WRN: variants seen among roughly 807,000 people sequenced by gnomAD.
The protein encoded by WRN is bifunctional 3'-5' exonuclease/ATP-dependent helicase WRN.
Under a neutral mutation model 180.7 loss-of-function variants are expected in WRN, and 149 were observed. The observed-to-expected ratio is 0.82, with a 90% confidence interval of 0.72 to 0.94. The LOEUF (loss-of-function observed/expected upper bound fraction) is 0.94, where lower values mean the gene tolerates loss of function less well. Among genes scored for constraint, WRN ranks in the 40% least tolerant of loss-of-function variants. The probability of loss-of-function intolerance (pLI) is 0.00; values close to 1 mark genes in which losing one functional copy is unlikely to be tolerated. For missense variants in WRN, 1,661 were observed against 1,700.1 expected, an observed-to-expected ratio of 0.98 and a Z score of 0.40; for synonymous variants, 548 against 568.9, an observed-to-expected ratio of 0.96 and a Z score of 0.52.
chr8:31,175,151 C>G lies in WRN; in HGVS notation c.*2049C>G, dbSNP rs975137224. ...AATATGTGATGTTAAGAAATCATGA[C>G]TGAGGCCGGGCGCGGTGGCTCACGC... is the stretch of plus-strand genomic sequence containing the variant. On this transcript the variant is annotated 3_prime_UTR_variant, in exon 35 of 35. Coordinates refer to ENST00000298139, the MANE Select transcript of WRN (RefSeq NM_000553.6). Among the ~76,000 whole-genome samples, 2 of 151,974 alleles carry G rather than the reference C, an allele frequency of 1.3e-5. No individual in the cohort carries two copies. The highest frequency in any genetic ancestry group is 4.8e-5 in the African/African-American group (2 of 41,380).
intron 32 of WRN, among the ~76,000 whole-genome samples, chr8:31,155,364 T>C (rs955343613): frequency 6.6e-6 from 1 of 152,198 alleles, no homozygotes; most frequent in African/African-American, 2.4e-5. Context: ...GGCTCATGCC[T>C]GTAATCCCAG....
At chr8:31,097,908 A>G (rs764495153) in intron 17 of WRN, among the ~76,000 whole-genome samples, 39 of 152,266 alleles carry the variant, frequency 2.6e-4, no homozygotes, top group Non-Finnish European at 4.7e-4. Context: ...TCAATATCAT[A>G]TGATCTTTTT....
At chr8:31,076,519 G>A (rs1312923983) in intron 8 of WRN, among the ~76,000 whole-genome samples, 1 of 151,846 alleles carries the variant, frequency 6.6e-6, no homozygotes, top group Non-Finnish European at 1.5e-5. Flanking sequence ...ATGAAACAAA[G>A]GAATAGAAAT....
chr8:31,079,784 A>T (rs1488377300), intron 8 of WRN, among the ~76,000 whole-genome samples: 1 of 152,218 alleles, frequency 6.6e-6, no homozygotes, highest in Non-Finnish European at 1.5e-5. Flanking sequence ...TCATTTTCAA[A>T]TTAGATCACA....
chr8:31,071,543 G>GC (rs1483623597), intron 7 of WRN, among the ~76,000 whole-genome samples: 12 of 152,112 alleles, frequency 7.9e-5, no homozygotes, highest in African/African-American at 2.7e-4. Context: ...GTGCAGTGAT[G>GC]CGATCTTGGC....
At chr8:31,092,229 A>G (rs1813775961) in intron 16 of WRN, among the ~76,000 whole-genome samples, 1 of 152,088 alleles carries the variant, frequency 6.6e-6, no homozygotes, top group Admixed American at 6.6e-5. Flanking sequence ...AATTATAAAA[A>G]TTTTGGTTTT....
chr8:31,120,307 A>T lies in WRN; in HGVS notation c.2513A>T (p.His838Leu). Residue 838 changes from histidine (H) to leucine (L), a missense_variant, in exon 21 of 35, where the codon CAT becomes CTT. Around this residue, in one of 3 missense-constraint regions of WRN, gnomAD observed 1,141 missense variants for 1,149.4 expected, o/e 0.99. Transcript: ENST00000298139. ...INKADIRQVI[H>L]YGAPKDMESY... ...AAAGCTGACATTCGCCAAGTCATTC[A>T]TTACGGTGCTCCTAAGGACATGGAA... 1 of 1,613,092 alleles carries T rather than the reference A, an allele frequency of 6.2e-7. No homozygotes were observed. The highest frequency in any genetic ancestry group is 1.1e-5 in the South Asian group (1 of 91,060).
In WRN at chr8:31,069,329, C is replaced by T. The variant is rs188094696; in HGVS notation, c.724+1002C>T. ...GAGTCTTTATTCTTACTTCTCCTCCCTGGAGAGCCACTTCCTATGAATGCC... is the reference window on the plus strand; with the variant it reads ...GAGTCTTTATTCTTACTTCTCCTCCTTGGAGAGCCACTTCCTATGAATGCC... On this transcript the variant is annotated intron_variant, in intron 7 of 34. Transcript: ENST00000298139. Among the ~76,000 whole-genome samples the T allele has an allele frequency of 5.3e-5, 8 of 152,288 alleles. No individual in the cohort carries two copies. The East Asian group carries it at 1.5e-3, about 29-fold the overall frequency.
chr8:31,036,631 G>A (rs756286916), intron 1 of WRN, among the ~76,000 whole-genome samples: 4 of 151,818 alleles, frequency 2.6e-5, no homozygotes, highest in Non-Finnish European at 4.4e-5. Context: ...TATACTTGTT[G>A]GTTATTTGTA....
intron 1 of WRN, among the ~76,000 whole-genome samples, chr8:31,048,345 G>A (rs1395704873): frequency 1.3e-5 from 2 of 152,120 alleles, no homozygotes; most frequent in African/African-American, 4.8e-5. Context: ...GCTTTGGCAT[G>A]CATTCTTTGG....
chr8:31,106,157 C>A (rs1801087812), intron 18 of WRN, among the ~76,000 whole-genome samples: 1 of 152,098 alleles, frequency 6.6e-6, no homozygotes, highest in South Asian at 2.1e-4. Context: ...TTTATTTAAA[C>A]AGTAAGGAAA....
In WRN at chr8:31,067,114, C is replaced by T. The variant is rs375762379; in HGVS notation, c.586C>T (p.Arg196Cys). The T allele has an allele frequency of 1.1e-5, 18 of 1,613,760 alleles. No homozygotes were observed. Among genetic ancestry groups the T allele is most frequent in the South Asian group, 3.3e-5 (3 of 91,078 alleles). ...ACAGCTCCTGAAAGACAAGTCTATCCGCTGTAGCAATTGGAGTAAATTTCC... is the reference window on the plus strand; with the variant it reads ...ACAGCTCCTGAAAGACAAGTCTATCTGCTGTAGCAATTGGAGTAAATTTCC... ...GKQLLKDKSI[R>C]CSNWSKFPLT... Residue 196 changes from arginine to cysteine, a missense_variant, in exon 6 of 35, where the codon CGC becomes TGC. By Grantham distance (180) the Arg-to-Cys change is radical. This residue lies in a region of WRN where 500 missense variants were observed against 504.1 expected (regional missense o/e 0.99). Transcript: ENST00000298139.
chr8:31,081,110 T>G lies in WRN; in HGVS notation c.1083T>G (p.Asp361Glu). ...ATTTAGCTAAACATGATGGAGAAGATGTACTTGGAAATAAAGTGGAACGAA... is the reference window on the plus strand; with the variant it reads ...ATTTAGCTAAACATGATGGAGAAGAGGTACTTGGAAATAAAGTGGAACGAA... ...LDHLAKHDGE[D>E]VLGNKVERKE... is the part of the protein sequence containing the mutation. The change falls in exon 9 of 35, where the codon GAT becomes GAG. Residue 361 changes from aspartate (D) to glutamate (E), a missense_variant. This residue lies in a region of WRN where 500 missense variants were observed against 504.1 expected (regional missense o/e 0.99). Coordinates refer to ENST00000298139, the MANE Select transcript of WRN (RefSeq NM_000553.6). The G allele has an allele frequency of 6.2e-7, 1 of 1,614,004 alleles. No individual in the cohort carries two copies. Among genetic ancestry groups the G allele is most frequent in the Non-Finnish European group, 8.5e-7 (1 of 1,179,976 alleles).
chr8:31,106,109 T>A (rs1008054969), intron 18 of WRN, among the ~76,000 whole-genome samples: 1 of 152,152 alleles, frequency 6.6e-6, no homozygotes, highest in Non-Finnish European at 1.5e-5. Context: ...AATTTTGGAA[T>A]TTTCCTCAAT....
intron 32 of WRN, among the ~76,000 whole-genome samples, chr8:31,156,643 G>A (rs1267552537): frequency 6.6e-6 from 1 of 152,176 alleles, no homozygotes; most frequent in African/African-American, 2.4e-5. Context: ...AAAATGTATT[G>A]AAAGAGAGGA....
intron 1 of WRN, among the ~76,000 whole-genome samples, chr8:31,055,035 T>G (rs1261079982): frequency 6.6e-6 from 1 of 152,240 alleles, no homozygotes; most frequent in Non-Finnish European, 1.5e-5. Context: ...TCCATGTCCC[T>G]GCAAAGTACA....
At chr8:31,117,049 G>A (rs914670842) in intron 20 of WRN, among the ~76,000 whole-genome samples, 7 of 152,286 alleles carry the variant, frequency 4.6e-5, no homozygotes, top group African/African-American at 9.6e-5. Flanking sequence ...TGAATGGGTC[G>A]GTTGGCCAGG....
intron 8 of WRN, among the ~76,000 whole-genome samples, chr8:31,080,268 G>A (rs1813248686): frequency 6.6e-6 from 1 of 152,108 alleles, no homozygotes; most frequent in Non-Finnish European, 1.5e-5. Context: ...ATACAGGCCA[G>A]CTCTTTGGAG....
chr8:31,101,999 G>A (rs1725337457), intron 18 of WRN, among the ~76,000 whole-genome samples: 1 of 151,284 alleles, frequency 6.6e-6, no homozygotes, highest in Admixed American at 6.6e-5. Context: ...GTAACATCTT[G>A]TGTGACTATA....
Sources: gnomAD v4.1 joint callset for allele counts (sites outside exome capture counted in the v4.1 genomes callset) on GRCh38, gnomAD v4.1.1 for gene constraint, gnomAD v4.1.1 regional missense constraint, MANE v1.5 for transcripts, NCBI Gene and HGNC (gene_info 2026-07-23, HGNC 2026-07-21) for gene names.